TAFA5: variants seen among roughly 807,000 people sequenced by gnomAD.
The protein encoded by TAFA5 is chemokine-like protein TAFA-5.
In TAFA5, 6 loss-of-function variants were observed where a neutral mutation model predicts 15.3. The observed-to-expected ratio is 0.39, with a 90% CI of 0.21 to 0.77. The LOEUF (loss-of-function observed/expected upper bound fraction) is 0.77, where lower values mean the gene tolerates loss of function less well. Ranked by LOEUF, TAFA5 falls within the 30% of genes least tolerant of loss-of-function variation. TAFA5 has a pLI of 0.41. For missense variants in TAFA5, 161 were observed against 193.1 expected, an observed-to-expected ratio of 0.83 and a Z score of 0.98; for synonymous variants, 103 against 80.7, an observed-to-expected ratio of 1.28 and a Z score of -1.48.
At chr22:48,576,313 C>G in intron 1 of TAFA5, 2 of 1,177,574 alleles carry the variant, frequency 1.7e-6, no homozygotes, top group Non-Finnish European at 2.1e-6. Flanking sequence ...CAGAAAGACA[C>G]AAATCGCCTC....
chr22:48,739,924 A>G (rs1277976465), intron 3 of TAFA5, among the ~76,000 whole-genome samples: 1 of 152,166 alleles, frequency 6.6e-6, no homozygotes, highest in Non-Finnish European at 1.5e-5. Context: ...CAGGACGTTG[A>G]GTCAGCAGAA....
At chr22:48,495,047 C>T (rs1043266186) in intron 1 of TAFA5, among the ~76,000 whole-genome samples, 4 of 152,204 alleles carry the variant, frequency 2.6e-5, no homozygotes, top group Admixed American at 6.5e-5. Context: ...TCCTGCGGGA[C>T]GGTGGGTCTG....
At chr22:48,540,013 G>A (rs980124085) in intron 1 of TAFA5, among the ~76,000 whole-genome samples, 5 of 152,140 alleles carry the variant, frequency 3.3e-5, no homozygotes, top group African/African-American at 1.2e-4. Flanking sequence ...GGATTGGGGG[G>A]TTGGGAGTGG....
chr22:48,581,139 G>A (rs1034366221), intron 1 of TAFA5, among the ~76,000 whole-genome samples: 5 of 152,226 alleles, frequency 3.3e-5, no homozygotes, highest in African/African-American at 4.8e-5. Flanking sequence ...CACACTCACC[G>A]TAATGGGATT....
At chr22:48,544,778 G>C (rs902047114) in intron 1 of TAFA5, 14 of 471,162 alleles carry the variant, frequency 3.0e-5, no homozygotes, top group African/African-American at 2.0e-4. Flanking sequence ...TTGAGTTCTG[G>C]CTGTTACCAC....
chr22:48,610,900 C>G (rs1925381520), intron 1 of TAFA5, among the ~76,000 whole-genome samples: 1 of 151,882 alleles, frequency 6.6e-6, no homozygotes, highest in African/African-American at 2.4e-5. Context: ...CCCTCCCACT[C>G]CAGTACATTA....
Position 48,637,067 on chromosome 22 carries a change from G to A in TAFA5, c.113-9530G>A, listed in dbSNP as rs1227171478. On this transcript the variant is annotated intron_variant, in intron 1 of 3. Transcript: ENST00000402357. Reference sequence around the variant, plus strand: ...CCTGGCTCGGGGCTTCTGGGAGAGTGGAAGGGAGGTGTCTGCAGGTGAGCA... The same window carrying A: ...CCTGGCTCGGGGCTTCTGGGAGAGTAGAAGGGAGGTGTCTGCAGGTGAGCA... Among the ~76,000 whole-genome samples, 8 of 152,298 alleles carry A rather than the reference G, an allele frequency of 5.3e-5. No homozygotes were observed. The East Asian group carries it at 1.5e-3, about 29-fold the overall frequency.
At chr22:48,741,235 G>A (rs572984480) in intron 3 of TAFA5, among the ~76,000 whole-genome samples, 7 of 152,126 alleles carry the variant, frequency 4.6e-5, no homozygotes, top group Non-Finnish European at 7.3e-5. Flanking sequence ...CTGCGAAGCC[G>A]GAGTCGTCCT....
chr22:48,685,583 C>T (rs1241530725), intron 2 of TAFA5, among the ~76,000 whole-genome samples: 1 of 152,036 alleles, frequency 6.6e-6, no homozygotes, highest in African/African-American at 2.4e-5. Flanking sequence ...TTTAATGATA[C>T]TGCTGGTCAG....
intron 2 of TAFA5, among the ~76,000 whole-genome samples, chr22:48,694,785 C>T (rs1364410976): frequency 8.2e-6 from 1 of 122,318 alleles, no homozygotes; most frequent in African/African-American, 3.0e-5. Context: ...CCTCCCCCAC[C>T]CCCCACCGCT....
intron 1 of TAFA5, among the ~76,000 whole-genome samples, chr22:48,633,436 T>C (rs1926304450): frequency 6.6e-6 from 1 of 152,112 alleles, no homozygotes; most frequent in African/African-American, 2.4e-5. Context: ...ACCACCCACG[T>C]GCAGGGGCTC....
chr22:48,575,963 G>A (rs1402094842), intron 1 of TAFA5, among the ~76,000 whole-genome samples: 2 of 143,692 alleles, frequency 1.4e-5, no homozygotes, highest in African/African-American at 2.5e-5. Flanking sequence ...CGGAGGAAGA[G>A]GAGGAGGAGG....
chr22:48,684,256 C>T (rs1928285940), intron 2 of TAFA5, among the ~76,000 whole-genome samples: 1 of 152,038 alleles, frequency 6.6e-6, no homozygotes, highest in African/African-American at 2.4e-5. Context: ...CAGGGGTTTG[C>T]TCACAGGACG....
intron 1 of TAFA5, among the ~76,000 whole-genome samples, chr22:48,499,204 T>C (rs1452414735): frequency 6.6e-6 from 1 of 152,196 alleles, no homozygotes; most frequent in African/African-American, 2.4e-5. Context: ...TCTTAATTTC[T>C]CCGCATTTCA....
intron 1 of TAFA5, among the ~76,000 whole-genome samples, chr22:48,506,127 G>A (rs1920993644): frequency 6.6e-6 from 1 of 152,146 alleles, no homozygotes; most frequent in African/African-American, 2.4e-5. Context: ...CTGTCTCCAG[G>A]GTGCAGCATG....
Position 48,662,488 on chromosome 22 carries a change from G to GTGATTCA in TAFA5, c.262+15743_262+15749dup, listed in dbSNP as rs67704918. The stretch of plus-strand genomic sequence containing the variant: ...TCGCGTGGGGAAGTGTGTGATGGGG[G>GTGATTCA]TGATTCAAGGGCCCAGGCGGTGGGG... On this transcript the variant is annotated intron_variant, in intron 2 of 3. Coordinates refer to ENST00000402357, the MANE Select transcript of TAFA5 (RefSeq NM_001082967.3). Among the ~76,000 whole-genome samples the GTGATTCA allele has an allele frequency of 3.3e-3, 260 of 79,150 alleles. 1 individual carries two copies. The highest frequency in any genetic ancestry group is 0.013 in the South Asian group (40 of 3,162). 51.9% of individuals were successfully genotyped at this position (79,150 alleles called of 152,430 possible).
intron 3 of TAFA5, among the ~76,000 whole-genome samples, chr22:48,741,212 C>T (rs1390243923): frequency 6.6e-6 from 1 of 152,146 alleles, no homozygotes; most frequent in African/African-American, 2.4e-5. Flanking sequence ...AGATCCTGCC[C>T]CCCGTTCCCA....
chr22:48,563,919 C>T (rs1488150544), intron 1 of TAFA5, among the ~76,000 whole-genome samples: 6 of 152,220 alleles, frequency 3.9e-5, no homozygotes, highest in East Asian at 3.9e-4. Context: ...TTCCTGGAGC[C>T]GGGCATCCTT....
At position 48,530,828 on chromosome 22, in the gene TAFA5, C is replaced by T. The variant is rs141336104; in HGVS notation, c.112+41124C>T. Among the ~76,000 whole-genome samples, 540 of 152,250 alleles carry T rather than the reference C, an allele frequency of 3.5e-3. 1 individual carries two copies. Among genetic ancestry groups the T allele is most frequent in the African/African-American group, 0.012 (511 of 41,542 alleles). ...TGGGGCAGGAGAGGCGACCCCAGTG[C>T]GTGTGGCTATGGGCTTCGACAAAGC... On this transcript the variant is annotated intron_variant, in intron 1 of 3. Coordinates refer to ENST00000402357, the MANE Select transcript of TAFA5 (RefSeq NM_001082967.3). This position sits in a 1 kb window ranked among gnomAD's most constrained non-coding sequence, Gnocchi z 6.0.
Sources: allele counts gnomAD v4.1 joint callset (sites outside exome capture counted in the v4.1 genomes callset), GRCh38; gene constraint gnomAD v4.1.1; non-coding constraint Gnocchi (gnomAD v3.1); transcripts MANE v1.5; gene names NCBI Gene and HGNC (gene_info 2026-07-23, HGNC 2026-07-21).